SCN1A: variants seen among roughly 807,000 people sequenced by gnomAD.
SCN1A encodes sodium voltage-gated channel alpha subunit 1.
SCN1A carries 13 observed loss-of-function variants against 193.7 expected under a neutral mutation model. The ratio of observed to expected loss-of-function variants is 0.07; its 90% CI spans 0.04 to 0.11. SCN1A has a LOEUF of 0.11. SCN1A is among the 10% of genes least tolerant of loss of function. The probability of loss-of-function intolerance (pLI) is 1.00; values close to 1 mark genes in which losing one functional copy is unlikely to be tolerated. For missense variants in SCN1A, 1,432 were observed against 2,451.1 expected (o/e 0.58, Z 8.78); for synonymous variants, 781 against 843.6 (o/e 0.93, Z 1.29).
chr2:166,130,121 T>G (rs553273286), upstream of SCN1A, among the ~76,000 whole-genome samples: 1 of 152,294 alleles, frequency 6.6e-6, no homozygotes, highest in African/African-American at 2.4e-5. Flanking sequence ...TTTCTTGATG[T>G]TGAGTCCCAT....
At chr2:166,057,011 G>A (rs1292290586) in intron 5 of SCN1A, among the ~76,000 whole-genome samples, 2 of 152,030 alleles carry the variant, frequency 1.3e-5, no homozygotes, top group African/African-American at 4.8e-5. Flanking sequence ...GCTAATTGTT[G>A]GGTTGCTCTA....
intron 2 of SCN1A, among the ~76,000 whole-genome samples, chr2:166,102,379 C>T (rs1376487301): frequency 6.6e-6 from 1 of 151,488 alleles, no homozygotes; most frequent in Non-Finnish European, 1.5e-5. Context: ...GCCTGTAGTC[C>T]CAGCTACTCA....
intron 2 of SCN1A, among the ~76,000 whole-genome samples, chr2:166,096,365 C>A (rs1357525573): frequency 6.6e-6 from 1 of 152,158 alleles, no homozygotes; most frequent in African/African-American, 2.4e-5. Context: ...TCACTGCAAG[C>A]TCCGCCTCCC....
intron 19 of SCN1A, among the ~76,000 whole-genome samples, chr2:166,031,404 A>G (rs1030632777): frequency 6.6e-6 from 1 of 152,126 alleles, no homozygotes; most frequent in African/African-American, 2.4e-5. Flanking sequence ...AATTGTCTCC[A>G]AATACATCCT....
At chr2:166,093,072 T>A (rs1686988022) in intron 2 of SCN1A, among the ~76,000 whole-genome samples, 1 of 151,934 alleles carries the variant, frequency 6.6e-6, no homozygotes, top group Non-Finnish European at 1.5e-5. Context: ...TTCTGGGTGA[T>A]GTTTAAATGA....
intron 19 of SCN1A, among the ~76,000 whole-genome samples, chr2:166,026,126 A>G (rs533377777): frequency 1.8e-4 from 28 of 152,234 alleles, no homozygotes; most frequent in African/African-American, 6.5e-4. Flanking sequence ...GAAATATTCC[A>G]TGAACCCTTG....
chr2:166,106,568 A>G (rs770159096), intron 2 of SCN1A, among the ~76,000 whole-genome samples: 30 of 152,112 alleles, frequency 2.0e-4, no homozygotes, highest in Non-Finnish European at 3.7e-4. Context: ...GGAGTGCGGC[A>G]CTGAAGTGAG....
chr2:166,060,266 G>C (rs1269859263), intron 4 of SCN1A: 1 of 152,114 alleles, frequency 6.6e-6, no homozygotes, highest in Admixed American at 6.6e-5. Context: ...GCATTTGAAG[G>C]AAGGGAGAAT....
Position 166,120,893 on chromosome 2 carries a change from G to A in SCN1A, c.-142+6031C>T, listed in dbSNP as rs1690506742. ...GGCCTTCCAAAGTGCTGGAATTACA[G>A]GTTTGAGCCACTGTATCTGGCCTAT... is the stretch of plus-strand genomic sequence containing the variant. On this transcript the variant is annotated intron_variant, in intron 2 of 28. Transcript: ENST00000674923. Among the ~76,000 whole-genome samples, 3 of 151,778 alleles carry A rather than the reference G, an allele frequency of 2.0e-5. No individual in the cohort carries two copies. The South Asian group carries it at 6.2e-4, about 32-fold the overall frequency.
chr2:166,022,993 A>G (rs1694258829), intron 19 of SCN1A, among the ~76,000 whole-genome samples: 1 of 152,208 alleles, frequency 6.6e-6, no homozygotes, highest in South Asian at 2.1e-4. Flanking sequence ...TTGATTTGGC[A>G]AAAAGCACAC....
At position 166,051,803 on chromosome 2, in the gene SCN1A, T is replaced by C; in HGVS notation, c.880A>G (p.Lys294Glu). 1 of 1,611,988 alleles carries C rather than the reference T, an allele frequency of 6.2e-7. No homozygotes were observed. The change falls in exon 9 of 29, where the codon AAG becomes GAG. Residue 294 changes from lysine (K) to glutamate (E), a missense_variant. Physicochemically the swap from Lys to Glu is moderately conservative, Grantham distance 56. Around this residue, in one of 18 missense-constraint regions of SCN1A, gnomAD observed 52 missense variants for 59.6 expected, o/e 0.87. Transcript: ENST00000674923. ...NASLEEHSIE[K>E]NITVNYNGTL... ...CCATTATAATTCACAGTTATATTCT[T>C]TTCTATACTATGTTCCTCCAAGGAA...
chr2:166,045,462 G>C, intron 12 of SCN1A, 135 bp from the exon 13 acceptor site: 1 of 1,030,362 alleles, frequency 9.7e-7, no homozygotes, highest in Non-Finnish European at 1.4e-6. Flanking sequence ...AAGATTCTCT[G>C]CAAGTATAAG....
At chr2:166,111,813 G>A (rs2106198978) in intron 2 of SCN1A, among the ~76,000 whole-genome samples, 1 of 152,200 alleles carries the variant, frequency 6.6e-6, no homozygotes, top group Non-Finnish European at 1.5e-5. Context: ...ATGACTTTGA[G>A]GGGTACAAGA....
chr2:166,035,909 C>T lies in SCN1A; in HGVS notation c.3429+139G>A. On this transcript the variant is annotated intron_variant, in intron 19 of 28. Coordinates refer to ENST00000674923, the MANE Select transcript of SCN1A (RefSeq NM_001165963.4). ...TTAGAGCATGGTTTCTAGTGAATGG[C>T]TATTGCTTTTGTATTATCATAAAGT... The T allele has an allele frequency of 6.1e-6, 5 of 820,168 alleles. No individual in the cohort carries two copies. The South Asian group carries it at 8.6e-5, about 14-fold the overall frequency. 50.8% of individuals were successfully genotyped at this position (820,168 alleles called of 1,614,324 possible).
chr2:166,129,697 T>A (rs374035627), upstream of SCN1A, among the ~76,000 whole-genome samples: 66 of 152,316 alleles, frequency 4.3e-4, no homozygotes, highest in East Asian at 0.012. Flanking sequence ...TTTAGAATAA[T>A]ACATTCCATA....
chr2:166,094,279 C>T (rs1259591809), intron 2 of SCN1A, among the ~76,000 whole-genome samples: 1 of 152,202 alleles, frequency 6.6e-6, no homozygotes, highest in Non-Finnish European at 1.5e-5. Flanking sequence ...GAATGGACTA[C>T]TTGCAAACAG....
intron 16 of SCN1A, among the ~76,000 whole-genome samples, chr2:166,040,746 A>G (rs1197221334): frequency 2.6e-5 from 4 of 152,210 alleles, no homozygotes; most frequent in Non-Finnish European, 1.5e-5. Flanking sequence ...GAAGTTTTCA[A>G]TAGTTCATGG....
intron 19 of SCN1A, among the ~76,000 whole-genome samples, chr2:166,021,777 C>T (rs1478333663): frequency 6.6e-6 from 1 of 152,100 alleles, no homozygotes; most frequent in Admixed American, 6.5e-5. Context: ...ATGTATGTTG[C>T]AATGAAAGGC....
At chr2:166,069,011 A>G (rs1016284844) in intron 4 of SCN1A, among the ~76,000 whole-genome samples, 3 of 152,240 alleles carry the variant, frequency 2.0e-5, no homozygotes, top group African/African-American at 7.2e-5. Flanking sequence ...AAGAATTTGA[A>G]TGTAGGGCCA....
Sources: gnomAD v4.1 joint callset for allele counts (sites outside exome capture counted in the v4.1 genomes callset) on GRCh38, gnomAD v4.1.1 for gene constraint, gnomAD v4.1.1 regional missense constraint, MANE v1.5 for transcripts, NCBI Gene and HGNC (gene_info 2026-07-23, HGNC 2026-07-21) for gene names.